Variants in LAMA3 observed in about 807,000 individuals in gnomAD.
The protein encoded by LAMA3 is laminin subunit alpha-3.
A neutral mutation model predicts 402.0 loss-of-function variants in LAMA3; 281 were observed. That is an observed-to-expected ratio of 0.70 (90% CI 0.63 to 0.77). The LOEUF (loss-of-function observed/expected upper bound fraction) is 0.77, where lower values mean the gene tolerates loss of function less well. Ranked by LOEUF, LAMA3 falls within the 30% of genes least tolerant of loss-of-function variation. The pLI is 0.00. For missense variants in LAMA3, 3,840 were observed against 4,215.5 expected, an observed-to-expected ratio of 0.91 and a Z score of 2.47; for synonymous variants, 1,431 against 1,558.4, an observed-to-expected ratio of 0.92 and a Z score of 1.93.
intron 46 of LAMA3, 82 bp from the exon 47 acceptor site, chr18:23,899,206 G>C: frequency 7.5e-7 from 1 of 1,337,834 alleles, no homozygotes; most frequent in East Asian, 2.4e-5. Context: ...AATCTCCATA[G>C]AAGTTTCTAC....
At chr18:23,917,943 G>A (rs1250733301) in intron 60 of LAMA3, among the ~76,000 whole-genome samples, 2 of 151,940 alleles carry the variant, frequency 1.3e-5, no homozygotes, top group African/African-American at 4.8e-5. Context: ...TCTTTGCAAA[G>A]GCCTATTTCT....
chr18:23,907,866 A>G lies in LAMA3; in HGVS notation c.6946A>G (p.Ile2316Val). Residue 2316 changes from isoleucine to valine, a missense_variant, in exon 54 of 75, where the codon ATT (isoleucine) becomes GTT (valine). Coordinates refer to ENST00000313654, the MANE Select transcript of LAMA3 (RefSeq NM_198129.4). The stretch of plus-strand genomic sequence containing the variant: ...CCCCATCCAGACAGATGTGGAAAGA[A>G]TTAAGGACACCTATGGGAGGACACA... ...LNPIQTDVER[I>V]KDTYGRTQNE... 1.2e-6 allele frequency: 2 copies of G among 1,614,206 alleles called. No individual in the cohort carries two copies. The highest frequency in any genetic ancestry group is 1.1e-5 in the South Asian group (1 of 91,080).
chr18:23,752,101 A>G (rs1437984181), intron 5 of LAMA3, among the ~76,000 whole-genome samples: 1 of 152,192 alleles, frequency 6.6e-6, no homozygotes, highest in Non-Finnish European at 1.5e-5. Flanking sequence ...AGCATTTTCC[A>G]GAAAGGCAGG....
At chr18:23,785,957 G>A (rs1761290987) in intron 12 of LAMA3, among the ~76,000 whole-genome samples, 1 of 152,172 alleles carries the variant, frequency 6.6e-6, no homozygotes, top group Non-Finnish European at 1.5e-5. Flanking sequence ...AAGGTAGGTA[G>A]AAAATGCATG....
At chr18:23,950,806 T>G (rs1415207689) in intron 72 of LAMA3, among the ~76,000 whole-genome samples, 1 of 152,228 alleles carries the variant, frequency 6.6e-6, no homozygotes. Flanking sequence ...TATTGTAGTC[T>G]TTAATTAAGT....
intron 2 of LAMA3, among the ~76,000 whole-genome samples, chr18:23,720,982 GC>G (rs1011373717): frequency 9.9e-5 from 15 of 151,778 alleles, no homozygotes; most frequent in African/African-American, 1.5e-4. Context: ...CACTGTGAAA[GC>G]CCCTCTCTAT....
chr18:23,921,125 C>A, intron 61 of LAMA3, 71 bp downstream of exon 61: 1 of 1,487,692 alleles, frequency 6.7e-7, no homozygotes, highest in South Asian at 1.2e-5. Context: ...TCAGTGCCCC[C>A]AAATAAATAA....
At chr18:23,941,324 G>GC (rs1491182960) in intron 68 of LAMA3, among the ~76,000 whole-genome samples, 6,860 of 27,184 alleles carry the variant, frequency 0.25, 339 homozygotes, top group Non-Finnish European at 0.34. Flanking sequence ...CATCAGCTTG[G>GC]CGCCCCCCCC....
intron 30 of LAMA3, among the ~76,000 whole-genome samples, chr18:23,845,785 G>A (rs184745234): frequency 1.3e-5 from 2 of 152,180 alleles, no homozygotes. Context: ...GCAGCCTTGG[G>A]AATGTCACCT....
chr18:23,712,616 A>T (rs975979393), intron 1 of LAMA3, among the ~76,000 whole-genome samples: 1 of 148,542 alleles, frequency 6.7e-6, no homozygotes, highest in Admixed American at 6.8e-5. Flanking sequence ...GAGTTATAGA[A>T]CCATTTTTGT....
chr18:23,932,120 C>G (rs183893941), intron 65 of LAMA3, 40 bp from the exon 66 acceptor site: 2 of 1,612,230 alleles, frequency 1.2e-6, no homozygotes, highest in African/African-American at 2.7e-5. Context: ...CCCTTTTTTC[C>G]AGCAGTTCTC....
intron 24 of LAMA3, chr18:23,834,362 C>T (rs1017587071): frequency 3.5e-5 from 10 of 284,048 alleles, no homozygotes; most frequent in Admixed American, 9.5e-5. Context: ...GAAAAAGACT[C>T]ATTCTCAGTA....
intron 2 of LAMA3, among the ~76,000 whole-genome samples, chr18:23,745,801 T>C (rs551729142): frequency 2.0e-5 from 3 of 152,352 alleles, no homozygotes; most frequent in Non-Finnish European, 2.9e-5. Flanking sequence ...TAGAGGGTTA[T>C]GTGTGCTATG....
In LAMA3 at chr18:23,714,060, G is replaced by A. The variant is rs780915089; in HGVS notation, c.435G>A (p.Leu145=). Residue 145 remains leucine, a synonymous_variant, in exon 2 of 75, where the codon TTG becomes TTA. Coordinates refer to ENST00000313654, the MANE Select transcript of LAMA3 (RefSeq NM_198129.4). ...AGTACAACAGAGTCAACCTCACCTT[G>A]GATCTGGGGCAGGTGAGCTACACTT... ...GTQYNRVNLT[L]DLGQLFHVAY... is the part of the protein sequence containing the mutation. The A allele has an allele frequency of 3.7e-6, 6 of 1,613,786 alleles. No individual in the cohort carries two copies. The East Asian group carries it at 1.3e-4, about 36-fold the overall frequency.
At chr18:23,763,949 T>C (rs1005042932) in intron 8 of LAMA3, among the ~76,000 whole-genome samples, 2 of 152,236 alleles carry the variant, frequency 1.3e-5, no homozygotes, top group African/African-American at 4.8e-5. Context: ...ATGTCTTTCA[T>C]AGACATCAAA....
intron 8 of LAMA3, among the ~76,000 whole-genome samples, chr18:23,769,643 G>A (rs939413555): frequency 2.6e-5 from 4 of 152,128 alleles, no homozygotes; most frequent in Admixed American, 1.3e-4. Flanking sequence ...AGGAACAGGG[G>A]ATGAAGTGCA....
At position 23,731,767 on chromosome 18, in the gene LAMA3, G is replaced by C. The variant is rs527719265; in HGVS notation, c.448-16176G>C. Among the ~76,000 whole-genome samples the C allele has an allele frequency of 7.7e-5, 9 of 117,448 alleles. No homozygotes were observed. In the South Asian group the frequency reaches 2.4e-3, roughly 31 times the overall value. 77.1% of individuals were successfully genotyped at this position (117,448 alleles called of 152,430 possible). A position where few individuals can be genotyped will look rare whatever the true frequency, so the allele number is the denominator to read the frequency against. ...CAACAACAGCCACTGGGGACTACTA[G>C]AGGAGGGAGGGAGGGGAAAGGGTTG... On this transcript the variant is annotated intron_variant, in intron 2 of 74. Coordinates refer to ENST00000313654, the MANE Select transcript of LAMA3 (RefSeq NM_198129.4).
At chr18:23,762,343 C>T (rs1449240364) in intron 7 of LAMA3, among the ~76,000 whole-genome samples, 1 of 152,138 alleles carries the variant, frequency 6.6e-6, no homozygotes, top group Non-Finnish European at 1.5e-5. Context: ...AATCCCAGCA[C>T]TTTGGGAGGC....
chr18:23,933,941 T>C lies in LAMA3; in HGVS notation c.8862+6T>C. ...AGACTTTTCGTATCAACCAGGTAAG[T>C]GTCCAAACCTAACCCTGGGTTTCCC... On this transcript the variant is annotated splice_donor_region_variant and intron_variant, in intron 67 of 74. Transcript: ENST00000313654. The C allele has an allele frequency of 6.2e-7, 1 of 1,613,860 alleles. No homozygotes were observed.
Sources: allele counts gnomAD v4.1 joint callset (sites outside exome capture counted in the v4.1 genomes callset), GRCh38; gene constraint gnomAD v4.1.1; transcripts MANE v1.5; gene names NCBI Gene and HGNC (gene_info 2026-07-23, HGNC 2026-07-21).